RFX3: variants seen among roughly 807,000 people sequenced by gnomAD.
The protein encoded by RFX3 is regulatory factor X3, also known as transcription factor RFX3.
In RFX3, 14 loss-of-function variants were observed where a neutral mutation model predicts 98.6. The observed-to-expected ratio is 0.14, with a 90% CI of 0.09 to 0.22. The LOEUF (loss-of-function observed/expected upper bound fraction) is 0.22. RFX3 is among the 10% of genes least tolerant of loss of function. RFX3 has a pLI of 1.00. For missense variants in RFX3, 639 were observed against 926.9 expected (o/e 0.69, Z 4.03); for synonymous variants, 383 against 328.4 (o/e 1.17, Z -1.80).
intron 14 of RFX3, among the ~76,000 whole-genome samples, chr9:3,248,405 A>G (rs1485655388): frequency 6.6e-6 from 1 of 152,206 alleles, no homozygotes; most frequent in African/African-American, 2.4e-5. Flanking sequence ...TATTCAAGAT[A>G]GATAGTCTTA....
At chr9:3,417,951 T>A (rs1417375138) in intron 1 of RFX3, among the ~76,000 whole-genome samples, 1 of 152,224 alleles carries the variant, frequency 6.6e-6, no homozygotes, top group African/African-American at 2.4e-5. Context: ...GTTCTTTAAA[T>A]GCCTATTTTC....
chr9:3,366,320 T>G (rs1319661616), intron 2 of RFX3, among the ~76,000 whole-genome samples: 1 of 151,970 alleles, frequency 6.6e-6, no homozygotes, highest in Non-Finnish European at 1.5e-5. Context: ...TTCTTGTTTG[T>G]TTTTTTGCAC....
intron 3 of RFX3, among the ~76,000 whole-genome samples, chr9:3,339,691 T>G (rs1833640188): frequency 1.3e-5 from 2 of 152,108 alleles, no homozygotes; most frequent in African/African-American, 2.4e-5. Context: ...ACATGAAGCT[T>G]ACATTCTAGT....
intron 5 of RFX3, among the ~76,000 whole-genome samples, chr9:3,298,619 T>C (rs1218077392): frequency 6.6e-6 from 1 of 151,816 alleles, no homozygotes; most frequent in African/African-American, 2.4e-5. Flanking sequence ...TAAATGCCTA[T>C]TAGAGATGCT....
At chr9:3,326,150 A>G (rs1831890092) in intron 4 of RFX3, among the ~76,000 whole-genome samples, 1 of 152,096 alleles carries the variant, frequency 6.6e-6, no homozygotes, top group South Asian at 2.1e-4. Flanking sequence ...TTATATAAGT[A>G]AAAGCATAGA....
At chr9:3,444,135 T>C (rs1845835179) in intron 1 of RFX3, among the ~76,000 whole-genome samples, 1 of 152,186 alleles carries the variant, frequency 6.6e-6, no homozygotes, top group Admixed American at 6.5e-5. Context: ...GCTTTAATCA[T>C]GATAATCAAT....
intron 2 of RFX3, among the ~76,000 whole-genome samples, chr9:3,379,814 C>T (rs1284776257): frequency 6.6e-6 from 1 of 152,094 alleles, no homozygotes; most frequent in Non-Finnish European, 1.5e-5. Context: ...CTGTAAAACG[C>T]TTTGCAGTTT....
At chr9:3,376,910 G>C (rs1376744620) in intron 2 of RFX3, among the ~76,000 whole-genome samples, 9 of 152,182 alleles carry the variant, frequency 5.9e-5, no homozygotes, top group Admixed American at 5.9e-4. Context: ...TCTCACACCA[G>C]TTAGAATGGC....
chr9:3,345,183 G>C (rs1208900863), intron 3 of RFX3, among the ~76,000 whole-genome samples: 1 of 152,096 alleles, frequency 6.6e-6, no homozygotes, highest in African/African-American at 2.4e-5. Flanking sequence ...ACAAAGAAGG[G>C]AGTGACATGT....
At chr9:3,279,477 A>G (rs1043765660) in intron 7 of RFX3, among the ~76,000 whole-genome samples, 1 of 151,832 alleles carries the variant, frequency 6.6e-6, no homozygotes, top group Admixed American at 6.6e-5. Context: ...TTAATTTTTA[A>G]TACAGGATTG....
intron 1 of RFX3, among the ~76,000 whole-genome samples, chr9:3,507,528 A>G (rs1460480157): frequency 6.6e-6 from 1 of 151,896 alleles, no homozygotes; most frequent in African/African-American, 2.4e-5. Context: ...CAGAGCTCGA[A>G]TTCACACCCA....
At chr9:3,402,197 T>TG (rs1841541197) in intron 1 of RFX3, among the ~76,000 whole-genome samples, 1 of 152,156 alleles carries the variant, frequency 6.6e-6, no homozygotes, top group Non-Finnish European at 1.5e-5. Flanking sequence ...TAATTTTTAT[T>TG]GGGGTCTTTC....
intron 4 of RFX3, among the ~76,000 whole-genome samples, chr9:3,315,310 A>G (rs915833063): frequency 1.5e-4 from 23 of 152,234 alleles, no homozygotes; most frequent in African/African-American, 5.5e-4. Context: ...AAATAAAGGT[A>G]TTCTTTGAAA....
At chr9:3,301,937 T>C (rs1396722693) in intron 4 of RFX3, among the ~76,000 whole-genome samples, 2 of 151,920 alleles carry the variant, frequency 1.3e-5, no homozygotes, top group East Asian at 1.9e-4. Flanking sequence ...ACTTTCATAG[T>C]TCAGGATATG....
At position 3,465,542 on chromosome 9, in the gene RFX3, G is replaced by A. The variant is rs568748190; in HGVS notation, c.-9+60205C>T. Among the ~76,000 whole-genome samples, 43 of 149,742 alleles carry A rather than the reference G, an allele frequency of 2.9e-4. 1 individual carries two copies. On this transcript the variant is annotated intron_variant, in intron 1 of 16. Coordinates refer to ENST00000617270, the MANE Select transcript of RFX3 (RefSeq NM_001282116.2). Reference sequence around the variant, plus strand: ...TGGTCTTGAACTCCCGACCTTAGGTGATCCACCTGCCTCAGCCTCCCAAAG... The same window carrying A: ...TGGTCTTGAACTCCCGACCTTAGGTAATCCACCTGCCTCAGCCTCCCAAAG...
At chr9:3,346,461 C>G (rs960396191) in intron 3 of RFX3, among the ~76,000 whole-genome samples, 1 of 152,012 alleles carries the variant, frequency 6.6e-6, no homozygotes, top group Non-Finnish European at 1.5e-5. Flanking sequence ...TTAAAATATC[C>G]TATGGGGTTA....
chr9:3,525,589 C>A (rs1819204025), intron 1 of RFX3, among the ~76,000 whole-genome samples, 158 bp downstream of exon 1: 1 of 152,028 alleles, frequency 6.6e-6, no homozygotes, highest in Admixed American at 6.5e-5. Context: ...GAACAGAGCC[C>A]CTCGGCGGCG....
intron 1 of RFX3, among the ~76,000 whole-genome samples, chr9:3,498,251 T>C (rs1252015317): frequency 6.6e-6 from 1 of 152,060 alleles, no homozygotes; most frequent in African/African-American, 2.4e-5. Flanking sequence ...TAAAGGATTA[T>C]ATATTTTAAC....
Position 3,476,433 on chromosome 9 carries a change from C to A in RFX3, c.-9+49314G>T, listed in dbSNP as rs1444500876. The stretch of plus-strand genomic sequence containing the variant: ...GGTAGCTAGTTTATCAGCATTGATG[C>A]AAAGTTTAGTATTTATGGACTGCTT... On this transcript the variant is annotated intron_variant, in intron 1 of 16. Transcript: ENST00000617270. Among the ~76,000 whole-genome samples the A allele has an allele frequency of 2.0e-5, 3 of 152,048 alleles. No homozygotes were observed. In the East Asian group the frequency reaches 5.8e-4, roughly 29 times the overall value.
Sources: allele counts gnomAD v4.1 joint callset (sites outside exome capture counted in the v4.1 genomes callset), GRCh38; gene constraint gnomAD v4.1.1; transcripts MANE v1.5; gene names NCBI Gene and HGNC (gene_info 2026-07-23, HGNC 2026-07-21).